DGKH: variants seen among roughly 807,000 people sequenced by gnomAD.
DGKH encodes the protein diacylglycerol kinase eta, also known as DAG kinase eta.
Under a neutral mutation model 159.3 loss-of-function variants are expected in DGKH, and 90 were observed. That is an observed-to-expected ratio of 0.57 (90% confidence interval 0.48 to 0.67). The LOEUF is 0.67. Ranked by LOEUF, DGKH falls within the 30% of genes least tolerant of loss-of-function variation. The pLI is 0.00. For missense variants in DGKH, 1,181 were observed against 1,506.1 expected (o/e 0.78, Z 3.57); for synonymous variants, 536 against 553.8 (o/e 0.97, Z 0.45).
chr13:42,102,458 G>A (rs1391428916), intron 1 of DGKH, among the ~76,000 whole-genome samples: 6 of 152,248 alleles, frequency 3.9e-5, no homozygotes, highest in African/African-American at 1.4e-4. Context: ...CTGGAGGTGT[G>A]CCCAGCAGAC....
chr13:42,133,868 T>C (rs1427170857), intron 3 of DGKH, among the ~76,000 whole-genome samples: 1 of 152,182 alleles, frequency 6.6e-6, no homozygotes, highest in Non-Finnish European at 1.5e-5. Flanking sequence ...TGACAAACCT[T>C]CCTCTCTTTA....
intron 1 of DGKH, among the ~76,000 whole-genome samples, chr13:42,092,142 A>G (rs1954430576): frequency 6.6e-6 from 1 of 152,200 alleles, no homozygotes; most frequent in Non-Finnish European, 1.5e-5. Flanking sequence ...GTAGGAATAG[A>G]AAGTAGTAAA....
chr13:42,156,095 C>T (rs1206247620), intron 5 of DGKH, among the ~76,000 whole-genome samples: 1 of 152,022 alleles, frequency 6.6e-6, no homozygotes, highest in East Asian at 1.9e-4. Context: ...TTTGTGAGGA[C>T]AGTATATACT....
At chr13:42,181,668 A>T in intron 13 of DGKH, 1 of 388,042 alleles carries the variant, frequency 2.6e-6, no homozygotes, top group Non-Finnish European at 5.3e-6. Context: ...TCCTCTGTTT[A>T]AGCCACCCCA....
At chr13:42,092,965 G>T (rs1393455641) in intron 1 of DGKH, among the ~76,000 whole-genome samples, 1 of 152,008 alleles carries the variant, frequency 6.6e-6, no homozygotes, top group East Asian at 1.9e-4. Flanking sequence ...AGCATTGGCC[G>T]GGCACAGTGG....
At position 42,161,607 on chromosome 13, in the gene DGKH, C is replaced by G. The variant is rs1337509881; in HGVS notation, c.855+1471C>G. ...CCATCCTGGCTAACACAGTGAAACCCCATCTCTACTAAAAATACAAAAATT... is the reference window on the plus strand; with the variant it reads ...CCATCCTGGCTAACACAGTGAAACCGCATCTCTACTAAAAATACAAAAATT... On this transcript the variant is annotated intron_variant, in intron 7 of 29. Transcript: ENST00000337343. 2.7e-5 allele frequency among the ~76,000 whole-genome samples: 4 copies of G among 149,780 alleles called. No homozygotes were observed. The Middle Eastern group carries it at 0.011, about 396-fold the overall frequency.
At chr13:42,245,852 G>A (rs978399259), downstream of DGKH, among the ~76,000 whole-genome samples, 1 of 152,172 alleles carries the variant, frequency 6.6e-6, no homozygotes, top group African/African-American at 2.4e-5. Context: ...CAAAGTGCTG[G>A]GATTACAGGT....
At chr13:42,118,297 C>T (rs946237810) in intron 1 of DGKH, among the ~76,000 whole-genome samples, 1 of 152,158 alleles carries the variant, frequency 6.6e-6, no homozygotes. Context: ...CAGCGCTTTC[C>T]CGTTTTCTAA....
chr13:42,119,880 A>G (rs1381314451), intron 1 of DGKH, among the ~76,000 whole-genome samples: 4 of 152,074 alleles, frequency 2.6e-5, no homozygotes, highest in Non-Finnish European at 5.9e-5. Context: ...TATTTTTTGC[A>G]CATTCTCTTT....
intron 3 of DGKH, among the ~76,000 whole-genome samples, chr13:42,131,741 G>T: frequency 6.6e-6 from 1 of 152,274 alleles, no homozygotes; most frequent in African/African-American, 2.4e-5. Context: ...TTGATCCAGG[G>T]TTGGTGGTTT....
chr13:42,093,304 C>T (rs1446753854), intron 1 of DGKH, among the ~76,000 whole-genome samples: 3 of 150,190 alleles, frequency 2.0e-5, no homozygotes, highest in Non-Finnish European at 4.4e-5. Flanking sequence ...ATCAAAACTA[C>T]GATGAGATAC....
intron 20 of DGKH, among the ~76,000 whole-genome samples, chr13:42,202,495 A>G (rs1016382233): frequency 7.9e-5 from 12 of 152,200 alleles, no homozygotes; most frequent in African/African-American, 2.7e-4. Flanking sequence ...TTAACTTTAA[A>G]TTTGTGCAGA....
intron 1 of DGKH, among the ~76,000 whole-genome samples, chr13:42,109,435 T>A (rs189776469): frequency 6.6e-6 from 1 of 152,170 alleles, no homozygotes; most frequent in Non-Finnish European, 1.5e-5. Context: ...ATGATGGAGA[T>A]GGACGATTAC....
chr13:42,195,824 G>A (rs1284164642), intron 17 of DGKH: 3 of 152,136 alleles, frequency 2.0e-5, no homozygotes, highest in Non-Finnish European at 2.9e-5. Flanking sequence ...GGACTTCACC[G>A]AAATGAATAG....
intron 1 of DGKH, among the ~76,000 whole-genome samples, chr13:42,078,692 A>C (rs1954143135): frequency 6.6e-6 from 1 of 152,088 alleles, no homozygotes. Context: ...CTCTAAAAAA[A>C]CCTTGAAATT....
intron 26 of DGKH, among the ~76,000 whole-genome samples, chr13:42,218,108 T>C (rs1957853141): frequency 6.6e-6 from 1 of 152,218 alleles, no homozygotes; most frequent in South Asian, 2.1e-4. Flanking sequence ...TGAAGTCAAT[T>C]AACCTTCCTT....
In DGKH at chr13:42,155,767, C is replaced by G. The variant is rs377267510; in HGVS notation, c.590C>G (p.Ser197Cys). 22 of 1,614,122 alleles carry G rather than the reference C, an allele frequency of 1.4e-5. No homozygotes were observed. The highest frequency in any genetic ancestry group is 1.8e-5 in the Non-Finnish European group (21 of 1,179,998). The part of the protein sequence containing the change: ...TFCNVCRESL[S>C]GVTSHGLSCE... Reference sequence around the variant, plus strand: ...TGTAACGTGTGCAGAGAGAGTCTTTCTGGAGTCACCTCCCATGGCCTGTCC... The same window carrying G: ...TGTAACGTGTGCAGAGAGAGTCTTTGTGGAGTCACCTCCCATGGCCTGTCC... Residue 197 changes from serine to cysteine, a missense_variant, in exon 5 of 30, where the codon TCT becomes TGT. Ser to Cys is a moderately radical substitution (Grantham distance 112). Coordinates refer to ENST00000337343, the MANE Select transcript of DGKH (RefSeq NM_178009.5).
At chr13:42,188,897 A>G in intron 14 of DGKH, 139 bp from the exon 15 acceptor site, 1 of 961,626 alleles carries the variant, frequency 1.0e-6, no homozygotes. Flanking sequence ...AAACATCTAC[A>G]AAATTAAAGG....
chr13:42,245,593 GT>G (rs201351310), downstream of DGKH, among the ~76,000 whole-genome samples: 4 of 148,442 alleles, frequency 2.7e-5, no homozygotes, highest in African/African-American at 2.5e-5. Flanking sequence ...CAATACTTTT[GT>G]TTTTTTTTTG....
Sources: gnomAD v4.1 joint callset for allele counts (sites outside exome capture counted in the v4.1 genomes callset) on GRCh38, gnomAD v4.1.1 for gene constraint, MANE v1.5 for transcripts, NCBI Gene and HGNC (gene_info 2026-07-23, HGNC 2026-07-21) for gene names.